The following IMMP2L variants were observed in gnomAD, a reference collection of about 807,000 sequenced individuals.
IMMP2L encodes the protein mitochondrial inner membrane protease subunit 2.
IMMP2L carries 18 observed loss-of-function variants against 19.3 expected under a neutral mutation model. The observed-to-expected ratio is 0.93, with a 90% CI of 0.64 to 1.38. The LOEUF (loss-of-function observed/expected upper bound fraction) is 1.38. Among genes scored for constraint, IMMP2L ranks in the 40% most tolerant of loss-of-function variants. The pLI is 0.00. For missense variants in IMMP2L, 233 were observed against 218.2 expected (o/e 1.07, Z -0.43); for synonymous variants, 76 against 73.0 (o/e 1.04, Z -0.21).
intron 3 of IMMP2L, among the ~76,000 whole-genome samples, chr7:111,018,463 C>T (rs1825924927): frequency 6.6e-6 from 1 of 152,158 alleles, no homozygotes; most frequent in Non-Finnish European, 1.5e-5. Context: ...AAACATTTTC[C>T]TTGTTCAAAC....
chr7:110,763,896 C>G (rs7803159), intron 5 of IMMP2L, among the ~76,000 whole-genome samples: 2 of 152,098 alleles, frequency 1.3e-5, no homozygotes, highest in Non-Finnish European at 2.9e-5. Flanking sequence ...TCCAATCTTG[C>G]TTGCACTATT....
At chr7:111,127,504 T>A (rs1801434768) in intron 3 of IMMP2L, among the ~76,000 whole-genome samples, 1 of 152,266 alleles carries the variant, frequency 6.6e-6, no homozygotes, top group Admixed American at 6.5e-5. Flanking sequence ...ACCAAAAATA[T>A]ACAGATGCTC....
intron 3 of IMMP2L, among the ~76,000 whole-genome samples, chr7:111,425,350 A>G (rs1835969812): frequency 6.9e-6 from 1 of 145,230 alleles, no homozygotes; most frequent in South Asian, 2.1e-4. Context: ...ACATAGGCAT[A>G]TGTTAAAACT....
At chr7:111,255,898 T>G (rs1268024144) in intron 3 of IMMP2L, among the ~76,000 whole-genome samples, 1 of 152,072 alleles carries the variant, frequency 6.6e-6, no homozygotes, top group Non-Finnish European at 1.5e-5. Context: ...TCCCACATAG[T>G]AGTTTTGTCT....
chr7:111,135,441 A>G (rs1802241093), intron 3 of IMMP2L, among the ~76,000 whole-genome samples: 1 of 152,146 alleles, frequency 6.6e-6, no homozygotes, highest in African/African-American at 2.4e-5. Flanking sequence ...CAAAGTGAGC[A>G]CTGTGACAGA....
chr7:111,057,098 T>G (rs138772052), intron 3 of IMMP2L, among the ~76,000 whole-genome samples: 3 of 152,332 alleles, frequency 2.0e-5, no homozygotes, highest in East Asian at 1.9e-4. Flanking sequence ...TTTGAGTTCA[T>G]AAAGGACACG....
At chr7:111,475,198 G>A (rs1841613225) in intron 3 of IMMP2L, among the ~76,000 whole-genome samples, 1 of 151,992 alleles carries the variant, frequency 6.6e-6, no homozygotes, top group South Asian at 2.1e-4. Context: ...TTATGCAAAG[G>A]AATAACCTTT....
At chr7:111,239,538 G>A (rs184013147) in intron 3 of IMMP2L, among the ~76,000 whole-genome samples, 21 of 151,922 alleles carry the variant, frequency 1.4e-4, no homozygotes, top group Non-Finnish European at 2.2e-4. Flanking sequence ...TAAAGGCAAG[G>A]GTTCTTAATT....
At chr7:111,365,715 T>C (rs1307251252) in intron 3 of IMMP2L, among the ~76,000 whole-genome samples, 3 of 152,072 alleles carry the variant, frequency 2.0e-5, no homozygotes, top group African/African-American at 7.2e-5. Flanking sequence ...AAACTTGGTT[T>C]TATGAAACTT....
intron 3 of IMMP2L, among the ~76,000 whole-genome samples, chr7:111,149,954 A>G (rs1270603008): frequency 6.6e-6 from 1 of 152,164 alleles, no homozygotes. Flanking sequence ...GAAGTAATAC[A>G]CTGACAGTTC....
intron 2 of IMMP2L, among the ~76,000 whole-genome samples, chr7:111,515,662 G>A (rs1585461428): frequency 6.6e-6 from 1 of 151,968 alleles, no homozygotes; most frequent in African/African-American, 2.4e-5. Flanking sequence ...TAAGAGTTTT[G>A]CACTGGGAAT....
At position 111,123,271 on chromosome 7, in the gene IMMP2L, C is replaced by A; in HGVS notation, c.240-159706G>T. On this transcript the variant is annotated intron_variant, in intron 3 of 5. Transcript: ENST00000405709. This position sits in a 1 kb window ranked among gnomAD's most constrained non-coding sequence, Gnocchi z 6.4. ...AGCCTTTATTGGCCTACATAATCTTCTTCGACTTCATCTCAATTCAAATAG... is the reference window on the plus strand; with the variant it reads ...AGCCTTTATTGGCCTACATAATCTTATTCGACTTCATCTCAATTCAAATAG... 6.2e-7 allele frequency: 1 copy of A among 1,613,856 alleles called. No individual in the cohort carries two copies. Among genetic ancestry groups the A allele is most frequent in the Non-Finnish European group, 8.5e-7 (1 of 1,179,942 alleles).
intron 3 of IMMP2L, among the ~76,000 whole-genome samples, chr7:111,176,793 G>A (rs539524581): frequency 2.7e-5 from 4 of 150,658 alleles, no homozygotes; most frequent in Admixed American, 6.6e-5. Context: ...AAACCCATTC[G>A]AACCATAAAC....
intron 3 of IMMP2L, among the ~76,000 whole-genome samples, chr7:111,413,314 T>A (rs1222594803): frequency 3.9e-5 from 6 of 152,160 alleles, no homozygotes; most frequent in African/African-American, 1.4e-4. Flanking sequence ...ATACAAACTT[T>A]TTTTAGAAAA....
chr7:111,071,976 G>A (rs1446164258), intron 3 of IMMP2L, among the ~76,000 whole-genome samples: 1 of 152,052 alleles, frequency 6.6e-6, no homozygotes, highest in Non-Finnish European at 1.5e-5. Context: ...CTAAAAAAAT[G>A]AGGGGTCATG....
At chr7:111,139,232 G>GAAAATAAAGTGAAA (rs1802641240) in intron 3 of IMMP2L, among the ~76,000 whole-genome samples, 1 of 151,902 alleles carries the variant, frequency 6.6e-6, no homozygotes, top group African/African-American at 2.4e-5. Flanking sequence ...CCATTTTAAA[G>GAAAATAAAGTGAAA]CTCTGGGAAT....
intron 5 of IMMP2L, among the ~76,000 whole-genome samples, chr7:110,819,039 A>G (rs536112066): frequency 3.0e-4 from 45 of 151,902 alleles, no homozygotes; most frequent in African/African-American, 1.1e-3. Flanking sequence ...CAGCACACCA[A>G]CATGGCACAT....
At chr7:111,156,261 A>G (rs1349627643) in intron 3 of IMMP2L, among the ~76,000 whole-genome samples, 1 of 152,098 alleles carries the variant, frequency 6.6e-6, no homozygotes, top group Non-Finnish European at 1.5e-5. Flanking sequence ...GTTCAGCTTT[A>G]GACTAGGCTG....
chr7:111,030,867 T>C (rs570702347), intron 3 of IMMP2L, among the ~76,000 whole-genome samples: 40 of 37,670 alleles, frequency 1.1e-3, no homozygotes, highest in African/African-American at 3.2e-3. Flanking sequence ...TATGTGTGTG[T>C]ATGTGTGTGT....
Sources: gnomAD v4.1 joint callset for allele counts (sites outside exome capture counted in the v4.1 genomes callset) on GRCh38, gnomAD v4.1.1 for gene constraint, Gnocchi (gnomAD v3.1) non-coding constraint, MANE v1.5 for transcripts, NCBI Gene and HGNC (gene_info 2026-07-23, HGNC 2026-07-21) for gene names.